The following MTMR7 variants were observed in gnomAD, a reference collection of about 807,000 sequenced individuals.
The protein encoded by MTMR7 is phosphatidylinositol-3-phosphate phosphatase MTMR7.
MTMR7 carries 76 observed loss-of-function variants against 81.2 expected under a neutral mutation model. The observed-to-expected ratio is 0.94, with a 90% CI of 0.78 to 1.13. The LOEUF (loss-of-function observed/expected upper bound fraction) is 1.13. MTMR7 is among the 50% of genes most tolerant of loss of function. The pLI is 0.00. For synonymous variants in MTMR7, 372 were observed against 289.8 expected, an observed-to-expected ratio of 1.28 and a Z score of -2.88; for missense variants, 1,044 against 820.0, an observed-to-expected ratio of 1.27 and a Z score of -3.34.
chr8:17,387,836 G>T (rs892705755), intron 1 of MTMR7, among the ~76,000 whole-genome samples: 1 of 152,102 alleles, frequency 6.6e-6, no homozygotes, highest in Non-Finnish European at 1.5e-5. Context: ...TCTAGTTTAG[G>T]TCAAGGTAAA....
intron 9 of MTMR7, among the ~76,000 whole-genome samples, chr8:17,309,617 T>A (rs1308918468): frequency 6.6e-6 from 1 of 152,100 alleles, no homozygotes; most frequent in Non-Finnish European, 1.5e-5. Context: ...TTACGTATGA[T>A]CTCTAACTGT....
At chr8:17,310,544 C>T (rs1286443279) in intron 9 of MTMR7, among the ~76,000 whole-genome samples, 1 of 152,144 alleles carries the variant, frequency 6.6e-6, no homozygotes, top group African/African-American at 2.4e-5. Context: ...AACCTCTTTA[C>T]TCTCCAAATG....
chr8:17,397,197 A>G (rs1821280605), intron 1 of MTMR7, among the ~76,000 whole-genome samples: 1 of 151,612 alleles, frequency 6.6e-6, no homozygotes, highest in African/African-American at 2.4e-5. Context: ...ACAGAGGGAA[A>G]AGTTAAGGGC....
At chr8:17,335,629 C>G (rs560275689) in intron 6 of MTMR7, among the ~76,000 whole-genome samples, 1 of 152,160 alleles carries the variant, frequency 6.6e-6, no homozygotes, top group Non-Finnish European at 1.5e-5. Context: ...GGTCAAATGA[C>G]GGTCTTTCTC....
At chr8:17,375,850 T>G (rs1820568579) in intron 1 of MTMR7, among the ~76,000 whole-genome samples, 1 of 152,232 alleles carries the variant, frequency 6.6e-6, no homozygotes, top group Non-Finnish European at 1.5e-5. Context: ...ATAAATAGCA[T>G]GGAGACTACA....
chr8:17,311,445 G>A, intron 9 of MTMR7, 66 bp downstream of exon 9: 2 of 1,602,304 alleles, frequency 1.2e-6, no homozygotes, highest in East Asian at 2.2e-5. Context: ...GCCAGTAGTT[G>A]TAAAAACAGG....
rs549598988 is a variant in MTMR7, at chr8:17,407,353, G to T, written c.24+5916C>A. Among the ~76,000 whole-genome samples the T allele has an allele frequency of 4.7e-4, 71 of 152,204 alleles. 1 individual carries two copies. In the South Asian group the frequency reaches 0.014, roughly 31 times the overall value. ...CCTTAAATAAGAAAGCAATGGAATG[G>T]TATAGTAAGAAACATAGTCTATATT... On this transcript the variant is annotated intron_variant, in intron 1 of 13. Transcript: ENST00000180173.
At chr8:17,372,182 C>G (rs1820441232) in intron 2 of MTMR7, among the ~76,000 whole-genome samples, 1 of 152,106 alleles carries the variant, frequency 6.6e-6, no homozygotes, top group Admixed American at 6.6e-5. Flanking sequence ...TTAAGTTTCC[C>G]CTCCACTAAG....
chr8:17,378,466 G>A (rs1402969432), intron 1 of MTMR7, among the ~76,000 whole-genome samples: 1 of 152,108 alleles, frequency 6.6e-6, no homozygotes, highest in Non-Finnish European at 1.5e-5. Flanking sequence ...CAGCCTTACT[G>A]TTGGGCTAAC....
At chr8:17,353,780 G>A (rs953339322) in intron 4 of MTMR7, among the ~76,000 whole-genome samples, 13 of 152,148 alleles carry the variant, frequency 8.5e-5, no homozygotes, top group South Asian at 2.1e-4. Context: ...TAAGGAAACC[G>A]ATTTTCTTTG....
intron 1 of MTMR7, among the ~76,000 whole-genome samples, chr8:17,380,178 C>A (rs1820716855): frequency 6.6e-6 from 1 of 152,174 alleles, no homozygotes; most frequent in African/African-American, 2.4e-5. Flanking sequence ...GGTAAGAGAA[C>A]TGGGGCATTT....
chr8:17,349,178 C>T, intron 4 of MTMR7, 97 bp from the exon 5 acceptor site: 2 of 1,414,080 alleles, frequency 1.4e-6, no homozygotes, highest in Non-Finnish European at 2.0e-6. Context: ...CAGGTACATC[C>T]TTAAGTTCCC....
chr8:17,298,328 A>T lies in MTMR7; in HGVS notation c.*1534T>A, dbSNP rs558433574. ...GAGAATGCCCAAATTTTATATTCTG[A>T]AAGAATTAATTACACTTGCTTTATT... is the stretch of plus-strand genomic sequence containing the variant. On this transcript the variant is annotated 3_prime_UTR_variant, in exon 14 of 14. Coordinates refer to ENST00000180173, the MANE Select transcript of MTMR7 (RefSeq NM_004686.5). The T allele has an allele frequency of 6.6e-6, 1 of 152,244 alleles. No homozygotes were observed. The highest frequency in any genetic ancestry group is 1.9e-4 in the East Asian group (1 of 5,186). 9.4% of individuals were successfully genotyped at this position (152,244 alleles called of 1,614,324 possible). A position where few individuals can be genotyped will look rare whatever the true frequency, so the allele number is the denominator to read the frequency against.
intron 10 of MTMR7, among the ~76,000 whole-genome samples, chr8:17,306,481 G>A (rs191494131): frequency 5.3e-5 from 8 of 151,926 alleles, no homozygotes; most frequent in East Asian, 1.9e-4. Context: ...TCCATGTGAC[G>A]ACAGATTCCA....
intron 5 of MTMR7, among the ~76,000 whole-genome samples, chr8:17,347,620 G>A (rs971393875): frequency 2.6e-5 from 4 of 152,122 alleles, no homozygotes; most frequent in Non-Finnish European, 4.4e-5. Flanking sequence ...CTCTCACCTT[G>A]CTAGAACCAA....
intron 1 of MTMR7, among the ~76,000 whole-genome samples, chr8:17,395,237 T>C (rs1821213793): frequency 6.6e-6 from 1 of 152,220 alleles, no homozygotes; most frequent in Non-Finnish European, 1.5e-5. Flanking sequence ...TATTGTAGCA[T>C]GTATCAGAAC....
In MTMR7 at chr8:17,371,125, G is replaced by A. The variant is rs1306585627; in HGVS notation, c.222C>T (p.Cys74=). The change falls in exon 3 of 14, where the codon TGC becomes TGT. Residue 74 remains cysteine, a synonymous_variant. Transcript: ENST00000180173. The part of the protein sequence containing the change: ...TATGCPLLIR[C]KNFQIIQLII... The stretch of plus-strand genomic sequence containing the variant: ...TGAGCTGTATTATCTGAAAGTTCTT[G>A]CAGCGAATCAGCAGAGGGCATCCGG... The A allele has an allele frequency of 1.9e-6, 3 of 1,614,190 alleles. No individual in the cohort carries two copies. Among genetic ancestry groups the A allele is most frequent in the African/African-American group, 1.3e-5 (1 of 75,060 alleles).
chr8:17,373,272 C>A (rs569179896), intron 1 of MTMR7, 32 bp from the exon 2 acceptor site: 2 of 1,589,388 alleles, frequency 1.3e-6, no homozygotes, highest in Non-Finnish European at 1.7e-6. Flanking sequence ...AAAGAGTTAC[C>A]GTAAAGCAGA....
chr8:17,304,626 A>T (rs1817332064), intron 11 of MTMR7, 107 bp from the exon 12 acceptor site: 1 of 1,207,544 alleles, frequency 8.3e-7, no homozygotes, highest in East Asian at 2.4e-5. Flanking sequence ...CCTGAAAACC[A>T]CGTGTCTGTT....
Sources: gnomAD v4.1 joint callset for allele counts (sites outside exome capture counted in the v4.1 genomes callset) on GRCh38, gnomAD v4.1.1 for gene constraint, MANE v1.5 for transcripts, NCBI Gene and HGNC (gene_info 2026-07-23, HGNC 2026-07-21) for gene names.